MDN1: variants seen among roughly 807,000 people sequenced by gnomAD.
MDN1 encodes midasin AAA ATPase 1.
In MDN1, 266 loss-of-function variants were observed where a neutral mutation model predicts 669.2. That is an observed-to-expected ratio of 0.40 (90% CI 0.36 to 0.44). The LOEUF (loss-of-function observed/expected upper bound fraction) is 0.44. Ranked by LOEUF, MDN1 falls within the 20% of genes least tolerant of loss-of-function variation. The pLI is 1.00. For missense variants in MDN1, 5,940 were observed against 6,754.0 expected (o/e 0.88, Z 4.22); for synonymous variants, 2,385 against 2,457.1 (o/e 0.97, Z 0.87).
intron 17 of MDN1, among the ~76,000 whole-genome samples, chr6:89,761,220 T>C (rs1356200239): frequency 6.6e-6 from 1 of 152,134 alleles, no homozygotes; most frequent in African/African-American, 2.4e-5. Flanking sequence ...AAATAAGCTT[T>C]CTTCCCTTTG....
chr6:89,673,836 A>G (rs1810996251), intron 79 of MDN1, among the ~76,000 whole-genome samples: 1 of 152,156 alleles, frequency 6.6e-6, no homozygotes, highest in South Asian at 2.1e-4. Flanking sequence ...CACAAATGGC[A>G]GGATGTGATT....
chr6:89,713,365 C>T, intron 46 of MDN1, 69 bp from the exon 47 acceptor site: 1 of 1,393,942 alleles, frequency 7.2e-7, no homozygotes, highest in African/African-American at 1.4e-5. Flanking sequence ...TGGATAAATT[C>T]TGCCCTCCCA....
rs762870314 is a variant in MDN1, at chr6:89,688,602, C to T, written c.11230G>A (p.Asp3744Asn). Residue 3744 changes from aspartate (D) to asparagine (N), a missense_variant, in exon 66 of 102, where the codon GAC becomes AAC. Around this residue, in one of 5 missense-constraint regions of MDN1, gnomAD observed 2,280 missense variants for 2,576.3 expected, o/e 0.88. Coordinates refer to ENST00000369393, the MANE Select transcript of MDN1 (RefSeq NM_014611.3). Reference sequence around the variant, plus strand: ...TCAAGCGCTGGGTGTTCTGGCCAGTCCTGTAGCAAGTGACTGACAGCCTCT... The same window carrying T: ...TCAAGCGCTGGGTGTTCTGGCCAGTTCTGTAGCAAGTGACTGACAGCCTCT... Reference protein sequence around the residue: ...FSEAVSHLLQDWPEHPALEQL... With the variant: ...FSEAVSHLLQNWPEHPALEQL... 1.9e-6 allele frequency: 3 copies of T among 1,614,104 alleles called. No individual in the cohort carries two copies. The highest frequency in any genetic ancestry group is 8.5e-7 in the Non-Finnish European group (1 of 1,179,990).
chr6:89,721,936 A>G (rs946324619), intron 40 of MDN1, among the ~76,000 whole-genome samples: 1 of 152,156 alleles, frequency 6.6e-6, no homozygotes, highest in African/African-American at 2.4e-5. Flanking sequence ...GCATCTATGT[A>G]TCTATTCATT....
chr6:89,740,294 A>T lies in MDN1; in HGVS notation c.4533T>A (p.Ala1511=). The T allele has an allele frequency of 6.2e-7, 1 of 1,611,758 alleles. No homozygotes were observed. Among genetic ancestry groups the T allele is most frequent in the South Asian group, 1.1e-5 (1 of 90,468 alleles). ...TTGCTAGAATACGAAATTTTTTCCC[A>T]GCAGTCAACAGCTCTATTTCACTAT... ...DKDSEIELLT[A]GKKFRILATM... The change falls in exon 32 of 102, where the codon GCT becomes GCA. Residue 1511 remains alanine (A), a synonymous_variant. Coordinates refer to ENST00000369393, the MANE Select transcript of MDN1 (RefSeq NM_014611.3).
At chr6:89,670,170 A>ATATATTTTTTTT (rs1444537561) in intron 83 of MDN1, among the ~76,000 whole-genome samples, 12 of 23,398 alleles carry the variant, frequency 5.1e-4, no homozygotes, top group African/African-American at 2.3e-3. Context: ...ATATATATAT[A>ATATATTTTTTTT]TTTTTTTTTT....
chr6:89,735,063 G>C (rs1169576603), intron 33 of MDN1, among the ~76,000 whole-genome samples: 4 of 151,926 alleles, frequency 2.6e-5, no homozygotes, highest in Admixed American at 6.6e-5. Flanking sequence ...GCTAATTTTT[G>C]TATTTTTAGT....
Position 89,736,636 on chromosome 6 carries a change from A to C in MDN1, c.4723+1690T>G, listed in dbSNP as rs560213161. 4.0e-4 allele frequency among the ~76,000 whole-genome samples: 58 copies of C among 144,934 alleles called. 1 individual carries two copies. The East Asian group carries it at 9.1e-3, about 23-fold the overall frequency. On this transcript the variant is annotated intron_variant, in intron 33 of 101. Coordinates refer to ENST00000369393, the MANE Select transcript of MDN1 (RefSeq NM_014611.3). ...TGAAACCCCATCTCTCAAAAAAAAA[A>C]CACAAAAATTAGCCTGGCGTGGTAG... is the stretch of plus-strand genomic sequence containing the variant.
intron 50 of MDN1, among the ~76,000 whole-genome samples, chr6:89,708,980 T>TAAA (rs369443893): frequency 0.045 from 6,540 of 144,616 alleles, 175 homozygotes; most frequent in South Asian, 0.13. Context: ...ACCATTAGCT[T>TAAA]AAAAAAAAAA....
chr6:89,753,728 C>G (rs541865227), intron 21 of MDN1, 106 bp from the exon 22 acceptor site: 1 of 903,858 alleles, frequency 1.1e-6, no homozygotes, highest in South Asian at 1.4e-5. Flanking sequence ...TGCTTCCCAA[C>G]TTTTAAATAT....
chr6:89,738,336 T>C lies in MDN1; in HGVS notation c.4713A>G (p.Ile1571Met). ...CCTGCAAACTCTCACCTTTAGGATC[T>C]ATTCTGCCCAGACACAATCCTGGAC... The part of the protein sequence containing the change: ...NLRPGLCLGR[I>M]DPKGSDIPEV... Residue 1571 changes from isoleucine to methionine, a missense_variant, in exon 33 of 102, where the codon ATA becomes ATG. Physicochemically the swap from Ile to Met is conservative, Grantham distance 10 (BLOSUM62 1). Transcript: ENST00000369393. The C allele has an allele frequency of 6.2e-7, 1 of 1,613,978 alleles. No individual in the cohort carries two copies. Among genetic ancestry groups the C allele is most frequent in the Non-Finnish European group, 8.5e-7 (1 of 1,179,914 alleles).
At chr6:89,685,335 G>C (rs952445278) in intron 70 of MDN1, among the ~76,000 whole-genome samples, 1 of 151,928 alleles carries the variant, frequency 6.6e-6, no homozygotes, top group Non-Finnish European at 1.5e-5. Context: ...TTTAAAAGAT[G>C]GCATATTAAG....
rs955596873 is a variant in MDN1 at position 89,689,728 on chromosome 6, C to T, written c.11023+142G>A. 2.1e-5 allele frequency: 21 copies of T among 1,004,266 alleles called. No individual in the cohort carries two copies. The African/African-American group carries it at 2.6e-4, about 13-fold the overall frequency. The allele number at this position is 1,004,266 out of a possible 1,614,324, so 62.2% of individuals were successfully genotyped here. A position where few individuals can be genotyped will look rare whatever the true frequency, so the allele number is the denominator to read the frequency against. On this transcript the variant is annotated intron_variant, in intron 65 of 101. Transcript: ENST00000369393. ...TAAATCAATTTTCTTGAATCAGCTT[C>T]AGTTCTTTAAGCCAAGGAAACTCCA...
chr6:89,804,528 AGCTCCTTTAACTCTT>A (rs889723681), intron 1 of MDN1, among the ~76,000 whole-genome samples: 2 of 152,170 alleles, frequency 1.3e-5, no homozygotes, highest in Non-Finnish European at 2.9e-5. Flanking sequence ...AAATTCCCCC[AGCTCCTTTAACTCTT>A]GAAGAAAAAA....
intron 38 of MDN1, 107 bp from the exon 39 acceptor site, chr6:89,723,726 TAC>T (rs1192764825): frequency 1.9e-5 from 10 of 513,942 alleles, no homozygotes; most frequent in African/African-American, 1.8e-4. Context: ...CAAGTAACAA[TAC>T]ATGAGAAATA....
chr6:89,783,981 CAAA>C (rs1201572887), intron 9 of MDN1, among the ~76,000 whole-genome samples: 7 of 102,240 alleles, frequency 6.8e-5, no homozygotes, highest in East Asian at 5.3e-4. Context: ...GACTCCATCT[CAAA>C]AAAAAAAAAA....
Position 89,692,528 on chromosome 6 carries a change from T to C in MDN1, c.10502A>G (p.Asn3501Ser), listed in dbSNP as rs1471313916. Residue 3501 changes from asparagine to serine, a missense_variant, in exon 63 of 102, where the codon AAT becomes AGT. By Grantham distance (46) the Asn-to-Ser change is conservative. Transcript: ENST00000369393. ...GTGGGAGCGCAGGTAAAGGAGAGCATTCATCAGCAGCTGCTCCCGAGTGGG... is the reference window on the plus strand; with the variant it reads ...GTGGGAGCGCAGGTAAAGGAGAGCACTCATCAGCAGCTGCTCCCGAGTGGG... ...ACPTREQLLMNALLYLRSHVL... is the reference protein window; with the variant it reads ...ACPTREQLLMSALLYLRSHVL... 1 of 1,614,082 alleles carries C rather than the reference T, an allele frequency of 6.2e-7. No homozygotes were observed. The highest frequency in any genetic ancestry group is 8.5e-7 in the Non-Finnish European group (1 of 1,180,034).
intron 53 of MDN1, among the ~76,000 whole-genome samples, chr6:89,704,863 A>C (rs1299490189): frequency 1.3e-5 from 2 of 152,238 alleles, no homozygotes; most frequent in African/African-American, 4.8e-5. Flanking sequence ...TAGAGGCGTG[A>C]GCCACCGCAC....
At chr6:89,800,917 G>T (rs1663320506) in intron 2 of MDN1, among the ~76,000 whole-genome samples, 1 of 152,138 alleles carries the variant, frequency 6.6e-6, no homozygotes, top group South Asian at 2.1e-4. Flanking sequence ...GATAGATATA[G>T]GTAAAAAGTC....
Sources: gnomAD v4.1 joint callset for allele counts (sites outside exome capture counted in the v4.1 genomes callset) on GRCh38, gnomAD v4.1.1 for gene constraint, gnomAD v4.1.1 regional missense constraint, MANE v1.5 for transcripts, NCBI Gene and HGNC (gene_info 2026-07-23, HGNC 2026-07-21) for gene names.